The following PTPRT variants were observed in gnomAD, a reference collection of about 807,000 sequenced individuals.
PTPRT encodes the protein protein tyrosine phosphatase receptor type T, also known as receptor-type tyrosine-protein phosphatase T.
Under a neutral mutation model 176.8 loss-of-function variants are expected in PTPRT, and 56 were observed. That is an observed-to-expected ratio of 0.32 (90% CI 0.26 to 0.40). The LOEUF (loss-of-function observed/expected upper bound fraction) is 0.40, where lower values mean the gene tolerates loss of function less well. Among genes scored for constraint, PTPRT ranks in the 10% least tolerant of loss-of-function variants. PTPRT has a pLI of 1.00. For missense variants in PTPRT, 1,540 were observed against 1,908.2 expected, an observed-to-expected ratio of 0.81 and a Z score of 3.60; for synonymous variants, 783 against 739.0, an observed-to-expected ratio of 1.06 and a Z score of -0.96.
chr20:42,270,278 G>A, intron 13 of PTPRT: 3 of 758,866 alleles, frequency 4.0e-6, no homozygotes, highest in Non-Finnish European at 6.4e-6. Context: ...ATGGGTGGGG[G>A]GGTGGGTGGG....
chr20:42,884,097 C>T (rs2145865390), intron 2 of PTPRT, among the ~76,000 whole-genome samples: 1 of 152,080 alleles, frequency 6.6e-6, no homozygotes, highest in Non-Finnish European at 1.5e-5. Context: ...TCTTGGGGTC[C>T]CTAATGGGAT....
At position 42,623,390 on chromosome 20, in the gene PTPRT, C is replaced by T. The variant is rs115975987; in HGVS notation, c.1153+54476G>A. Among the ~76,000 whole-genome samples the T allele has an allele frequency of 6.0e-4, 92 of 152,332 alleles. 1 individual carries two copies. Among genetic ancestry groups the T allele is most frequent in the African/African-American group, 2.1e-3 (86 of 41,576 alleles). ...CTCCCCCTCCCGTAAGGGGTTTGAG[C>T]TTGTGGCAGCTGAACAGAGAGGCAT... On this transcript the variant is annotated intron_variant, in intron 7 of 30. Transcript: ENST00000373187.
chr20:42,438,017 G>A (rs1173289866), intron 9 of PTPRT, among the ~76,000 whole-genome samples: 3 of 152,292 alleles, frequency 2.0e-5, no homozygotes, highest in Middle Eastern at 3.4e-3. Context: ...CTTAAGTGCT[G>A]CCTCTGGGCA....
At chr20:42,390,151 T>G (rs774344753) in intron 9 of PTPRT, among the ~76,000 whole-genome samples, 1 of 152,176 alleles carries the variant, frequency 6.6e-6, no homozygotes, top group Non-Finnish European at 1.5e-5. Context: ...AGTATAATAC[T>G]TGGCACATAT....
intron 7 of PTPRT, among the ~76,000 whole-genome samples, chr20:42,621,998 C>T (rs971177735): frequency 1.3e-5 from 2 of 152,164 alleles, no homozygotes; most frequent in African/African-American, 2.4e-5. Flanking sequence ...TTTCATAGTT[C>T]TCTAAAAAGT....
chr20:42,184,518 C>CCTCCTCCTTCTTCTTCTTCTT (rs1555797922), intron 16 of PTPRT, among the ~76,000 whole-genome samples: 1 of 54,398 alleles, frequency 1.8e-5, no homozygotes, highest in Non-Finnish European at 4.6e-5. Context: ...TCCTCCTCCT[C>CCTCCTCCTTCTTCTTCTTCTT]CTTCTTCTTC....
chr20:42,465,046 CAAT>C (rs1319388264), intron 8 of PTPRT, among the ~76,000 whole-genome samples: 3 of 151,566 alleles, frequency 2.0e-5, no homozygotes, highest in East Asian at 1.9e-4. Context: ...TATTAAATAT[CAAT>C]AATATTATGG....
chr20:43,061,299 T>A (rs1987451441), intron 1 of PTPRT, among the ~76,000 whole-genome samples: 1 of 152,218 alleles, frequency 6.6e-6, no homozygotes, highest in Admixed American at 6.5e-5. Flanking sequence ...TGCTTCCTTC[T>A]ATGTGCCTGA....
intron 7 of PTPRT, among the ~76,000 whole-genome samples, chr20:42,533,369 C>A (rs960320355): frequency 1.3e-5 from 2 of 152,144 alleles, no homozygotes; most frequent in African/African-American, 4.8e-5. Flanking sequence ...GGCAGTGAGC[C>A]GTCTCTCTCA....
chr20:42,722,152 C>T (rs3092557), intron 6 of PTPRT, among the ~76,000 whole-genome samples: 32,724 of 152,008 alleles, frequency 0.22, 3,685 homozygotes, highest in East Asian at 0.28. Flanking sequence ...CTCACCATAT[C>T]GGGTCTATGA....
intron 7 of PTPRT, among the ~76,000 whole-genome samples, chr20:42,488,429 A>G (rs1368845819): frequency 1.3e-5 from 2 of 152,170 alleles, no homozygotes; most frequent in Non-Finnish European, 1.5e-5. Flanking sequence ...CCTTTTTACC[A>G]ATCTGATGGG....
chr20:43,004,968 T>C (rs1399084912), intron 1 of PTPRT, among the ~76,000 whole-genome samples: 3 of 152,184 alleles, frequency 2.0e-5, no homozygotes, highest in African/African-American at 7.2e-5. Context: ...GATGTAAGCA[T>C]CACTCAAAGC....
chr20:42,839,365 A>G (rs1419006617), intron 2 of PTPRT, among the ~76,000 whole-genome samples: 2 of 152,026 alleles, frequency 1.3e-5, no homozygotes, highest in East Asian at 3.9e-4. Context: ...CAAATTGGAA[A>G]AAAAGAAAAG....
chr20:42,973,448 T>G (rs1195761901), intron 1 of PTPRT, among the ~76,000 whole-genome samples: 1 of 150,976 alleles, frequency 6.6e-6, no homozygotes, highest in Admixed American at 6.6e-5. Context: ...TCTCTCTCTC[T>G]GTGTGTGTTT....
chr20:42,800,751 G>T (rs188185866), intron 2 of PTPRT, among the ~76,000 whole-genome samples: 87 of 152,202 alleles, frequency 5.7e-4, no homozygotes, highest in African/African-American at 2.1e-3. Context: ...ATGGAAAGGG[G>T]GAGAAAAGAC....
chr20:43,110,038 C>A (rs2012791272), intron 1 of PTPRT, among the ~76,000 whole-genome samples: 2 of 152,146 alleles, frequency 1.3e-5, no homozygotes, highest in African/African-American at 4.8e-5. Flanking sequence ...AAAGGAAAAT[C>A]TGAGCTTATA....
chr20:42,611,358 C>T (rs2073972761), intron 7 of PTPRT, among the ~76,000 whole-genome samples: 1 of 152,152 alleles, frequency 6.6e-6, no homozygotes, highest in African/African-American at 2.4e-5. Flanking sequence ...GGTGGCCATC[C>T]TACTGGGTGG....
chr20:42,487,108 G>C (rs892450010), intron 7 of PTPRT, among the ~76,000 whole-genome samples: 1 of 152,202 alleles, frequency 6.6e-6, no homozygotes. Flanking sequence ...TTTGAGTCAG[G>C]TGTGTGGAGA....
At chr20:42,888,044 TG>T (rs1197693825) in intron 1 of PTPRT, among the ~76,000 whole-genome samples, 2 of 152,176 alleles carry the variant, frequency 1.3e-5, no homozygotes. Context: ...ACCTTGATCT[TG>T]AACTTGCCAA....
Sources: allele counts gnomAD v4.1 joint callset (sites outside exome capture counted in the v4.1 genomes callset), GRCh38; gene constraint gnomAD v4.1.1; transcripts MANE v1.5; gene names NCBI Gene and HGNC (gene_info 2026-07-23, HGNC 2026-07-21).